RASA1: variants seen among roughly 807,000 people sequenced by gnomAD.
RASA1 encodes the protein RAS p21 protein activator 1, also known as ras GTPase-activating protein 1.
In RASA1, 25 loss-of-function variants were observed where a neutral mutation model predicts 132.2. The ratio of observed to expected loss-of-function variants is 0.19; its 90% CI spans 0.14 to 0.26. The LOEUF (loss-of-function observed/expected upper bound fraction) is 0.26, where lower values mean the gene tolerates loss of function less well. RASA1 is among the 10% of genes least tolerant of loss of function. RASA1 has a pLI of 1.00. For synonymous variants in RASA1, 477 were observed against 449.9 expected (o/e 1.06, Z -0.76); for missense variants, 964 against 1,299.2 (o/e 0.74, Z 3.97).
At chr5:87,380,388 T>G in intron 19 of RASA1, 121 bp from the exon 20 acceptor site, 1 of 903,064 alleles carries the variant, frequency 1.1e-6, no homozygotes, top group Non-Finnish European at 1.8e-6. Context: ...AAAATACTTT[T>G]TTGGGTAAAA....
chr5:87,276,968 T>G (rs985689041), intron 1 of RASA1, among the ~76,000 whole-genome samples: 16 of 152,190 alleles, frequency 1.1e-4, no homozygotes, highest in Non-Finnish European at 2.9e-5. Context: ...CTCATACTGT[T>G]TCACATATAT....
At chr5:87,279,569 A>G (rs1255919537) in intron 1 of RASA1, among the ~76,000 whole-genome samples, 1 of 152,308 alleles carries the variant, frequency 6.6e-6, no homozygotes, top group East Asian at 1.9e-4. Context: ...TCACTTTTAT[A>G]AGAAATTGCC....
rs185365578 is a variant in RASA1 at position 87,279,353 on chromosome 5, T to G, written c.539+10363T>G. On this transcript the variant is annotated intron_variant, in intron 1 of 24. Transcript: ENST00000274376. ...CAATATTTTGCCCTTTTTTCATTGC[T>G]GAATAGTAGTCCATGGTGTAGATGT... Among the ~76,000 whole-genome samples the G allele has an allele frequency of 7.9e-5, 12 of 152,334 alleles. No homozygotes were observed. The East Asian group carries it at 2.3e-3, about 29-fold the overall frequency.
chr5:87,313,253 A>C (rs1756056041), intron 1 of RASA1, among the ~76,000 whole-genome samples: 1 of 152,186 alleles, frequency 6.6e-6, no homozygotes, highest in Non-Finnish European at 1.5e-5. Flanking sequence ...GTCTTTAGCT[A>C]ATCTAATATC....
intron 9 of RASA1, among the ~76,000 whole-genome samples, chr5:87,356,962 C>T (rs1255917296): frequency 6.6e-6 from 1 of 152,084 alleles, no homozygotes; most frequent in South Asian, 2.1e-4. Flanking sequence ...GTGCTTAGAA[C>T]AGTACCTGAC....
chr5:87,300,142 AGAG>A (rs932362270), intron 1 of RASA1, among the ~76,000 whole-genome samples: 12 of 152,160 alleles, frequency 7.9e-5, no homozygotes, highest in African/African-American at 2.9e-4. Context: ...GCCAAAGGAG[AGAG>A]GATTGCATGA....
intron 1 of RASA1, among the ~76,000 whole-genome samples, chr5:87,277,893 G>T (rs1320382181): frequency 6.6e-6 from 1 of 152,032 alleles, no homozygotes; most frequent in African/African-American, 2.4e-5. Flanking sequence ...ATGCATGTCT[G>T]ATTATTATAG....
At chr5:87,371,109 C>T (rs769182008) in intron 12 of RASA1, among the ~76,000 whole-genome samples, 2 of 151,776 alleles carry the variant, frequency 1.3e-5, no homozygotes, top group Non-Finnish European at 2.9e-5. Context: ...TACCATGGTC[C>T]CTCTTTCTGA....
intron 12 of RASA1, among the ~76,000 whole-genome samples, chr5:87,371,165 C>A (rs1760911777): frequency 6.6e-6 from 1 of 151,998 alleles, no homozygotes. Flanking sequence ...GTTTTGCAAG[C>A]CTAACATAGA....
At chr5:87,364,814 T>C (rs1234522269) in intron 11 of RASA1, among the ~76,000 whole-genome samples, 1 of 152,152 alleles carries the variant, frequency 6.6e-6, no homozygotes. Flanking sequence ...AAACATTCTG[T>C]TGAGCCACCT....
rs1228924213 is a variant in RASA1 at position 87,269,247 on chromosome 5, C to T, written c.539+257C>T. Reference sequence around the variant, plus strand: ...ATGGAAAGCATGAGAAAATGTGTATCTAATGAGAACCGGATATAGTTCTGT... The same window carrying T: ...ATGGAAAGCATGAGAAAATGTGTATTTAATGAGAACCGGATATAGTTCTGT... On this transcript the variant is annotated intron_variant, in intron 1 of 24. Transcript: ENST00000274376. 2.6e-6 allele frequency: 4 copies of T among 1,542,316 alleles called. No homozygotes were observed. The East Asian group carries it at 9.7e-5, about 37-fold the overall frequency.
intron 19 of RASA1, 69 bp downstream of exon 19, chr5:87,379,919 AC>A (rs1337640982): frequency 2.0e-6 from 3 of 1,465,180 alleles, no homozygotes; most frequent in Non-Finnish European, 2.8e-6. Context: ...TATTTCTAAA[AC>A]GTGAAAGCTT....
chr5:87,274,488 G>A (rs1753984092), intron 1 of RASA1, among the ~76,000 whole-genome samples: 1 of 152,134 alleles, frequency 6.6e-6, no homozygotes, highest in South Asian at 2.1e-4. Context: ...TACGGACAAT[G>A]ATTGATGACC....
chr5:87,330,335 A>G (rs1332196737), intron 1 of RASA1, among the ~76,000 whole-genome samples: 1 of 152,130 alleles, frequency 6.6e-6, no homozygotes, highest in Non-Finnish European at 1.5e-5. Flanking sequence ...AAATACATAC[A>G]TTATTACACA....
At chr5:87,364,469 A>AGTATGAATTACTTCATAAATTC (rs1760354281) in intron 11 of RASA1, among the ~76,000 whole-genome samples, 1 of 152,190 alleles carries the variant, frequency 6.6e-6, no homozygotes, top group African/African-American at 2.4e-5. Flanking sequence ...TCTGTAAAAT[A>AGTATGAATTACTTCATAAATTC]GTATGAATTA....
At chr5:87,333,133 C>A in intron 3 of RASA1, 134 bp from the exon 4 acceptor site, 1 of 1,347,058 alleles carries the variant, frequency 7.4e-7, no homozygotes, top group Non-Finnish European at 9.9e-7. Context: ...ATTTATAGTC[C>A]AAGTAAAAAT....
chr5:87,383,039 C>T (rs1761830978), intron 20 of RASA1, among the ~76,000 whole-genome samples: 1 of 151,990 alleles, frequency 6.6e-6, no homozygotes, highest in South Asian at 2.1e-4. Flanking sequence ...TTGCAGTGAG[C>T]TGTGATTGTG....
chr5:87,293,165 T>C (rs73156340), intron 1 of RASA1, among the ~76,000 whole-genome samples: 10,608 of 152,060 alleles, frequency 0.07, 838 homozygotes, highest in African/African-American at 0.19. Flanking sequence ...TAAGAGGAGG[T>C]GTCCTTGCAT....
chr5:87,294,955 C>G (rs1183136772), intron 1 of RASA1, among the ~76,000 whole-genome samples: 1 of 152,140 alleles, frequency 6.6e-6, no homozygotes, highest in African/African-American at 2.4e-5. Context: ...GTTGAAATCT[C>G]AACTCTAATA....
Sources: allele counts gnomAD v4.1 joint callset (sites outside exome capture counted in the v4.1 genomes callset), GRCh38; gene constraint gnomAD v4.1.1; transcripts MANE v1.5; gene names NCBI Gene and HGNC (gene_info 2026-07-23, HGNC 2026-07-21).